The following LARP1B variants were observed in gnomAD, a reference collection of about 807,000 sequenced individuals.
The protein encoded by LARP1B is La ribonucleoprotein 1B.
In LARP1B, 76 loss-of-function variants were observed where a neutral mutation model predicts 114.2. The ratio of observed to expected loss-of-function variants is 0.67; its 90% confidence interval spans 0.55 to 0.81. The LOEUF is 0.81. Among genes scored for constraint, LARP1B ranks in the 30% least tolerant of loss-of-function variants. The pLI is 0.00. For synonymous variants in LARP1B, 345 were observed against 348.0 expected, an observed-to-expected ratio of 0.99 and a Z score of 0.10; for missense variants, 1,014 against 1,075.8, an observed-to-expected ratio of 0.94 and a Z score of 0.80.
At chr4:128,217,191 C>G (rs1330126047) in intron 6 of LARP1B, among the ~76,000 whole-genome samples, 1 of 137,076 alleles carries the variant, frequency 7.3e-6, no homozygotes, top group Non-Finnish European at 1.6e-5. Context: ...CAGATGGATT[C>G]ACAGCCGAAT....
chr4:128,209,860 C>T lies in LARP1B; in HGVS notation c.2552C>T (p.Pro851Leu). The T allele has an allele frequency of 6.2e-7, 1 of 1,613,088 alleles. No individual in the cohort carries two copies. The highest frequency in any genetic ancestry group is 1.3e-5 in the African/African-American group (1 of 74,998). Reference sequence around the variant, plus strand: ...GTTGCCTTTCATCATTTGCAGCCCCCTATTAGTGATGAATTTGGAAGAAAA... The same window carrying T: ...GTTGCCTTTCATCATTTGCAGCCCCTTATTAGTGATGAATTTGGAAGAAAA... Reference protein sequence around the residue: ...KRLEDFRVDPPISDEFGRKRH... With the variant: ...KRLEDFRVDPLISDEFGRKRH... The change falls in exon 20 of 20, where the codon CCT becomes CTT. Residue 851 changes from proline to leucine, a missense_variant. By Grantham distance (98) the Pro-to-Leu change is moderately conservative (BLOSUM62 -3). Coordinates refer to ENST00000326639, the MANE Select transcript of LARP1B (RefSeq NM_018078.4).
intron 9 of LARP1B, chr4:128,108,667 T>G: frequency 1.0e-6 from 1 of 984,646 alleles, no homozygotes; most frequent in Non-Finnish European, 1.2e-6. Context: ...TTTTAATTTA[T>G]TTTTTGTTAA....
intron 9 of LARP1B, chr4:128,108,932 T>C (rs1783025111): frequency 1.7e-6 from 1 of 583,568 alleles, no homozygotes; most frequent in Admixed American, 6.3e-5. Context: ...TTTTTTAATA[T>C]ACACTCAGAT....
chr4:128,107,296 C>T lies in LARP1B; in HGVS notation c.971C>T (p.Ala324Val), dbSNP rs892736542. The T allele has an allele frequency of 6.2e-7, 1 of 1,614,088 alleles. No individual in the cohort carries two copies. The highest frequency in any genetic ancestry group is 1.7e-5 in the Admixed American group (1 of 60,020). ...TGTCCAGAGTTTGTACCAGGCCAAG[C>T]CTTTTGCTCACATACAGGTAACATC... is the stretch of plus-strand genomic sequence containing the variant. The part of the protein sequence containing the change: ...IDCPEFVPGQ[A>V]FCSHTESAPN... Residue 324 changes from alanine (A) to valine (V), a missense_variant, in exon 9 of 20, where the codon GCC (alanine) becomes GTC (valine). Ala to Val is a moderately conservative substitution (Grantham distance 64). Coordinates refer to ENST00000326639, the MANE Select transcript of LARP1B (RefSeq NM_018078.4).
At chr4:128,147,232 C>T (rs1730728248) in intron 11 of LARP1B, among the ~76,000 whole-genome samples, 1 of 152,124 alleles carries the variant, frequency 6.6e-6, no homozygotes, top group Non-Finnish European at 1.5e-5. Context: ...CTAGTTAGCC[C>T]CAAACAACTG....
intron 5 of LARP1B, among the ~76,000 whole-genome samples, chr4:128,088,103 G>A (rs1467645803): frequency 6.6e-6 from 1 of 152,002 alleles, no homozygotes. Context: ...GAGGTAAGGA[G>A]GATTGCTTGA....
intron 11 of LARP1B, among the ~76,000 whole-genome samples, chr4:128,147,925 T>C (rs1284910743): frequency 6.6e-6 from 1 of 152,230 alleles, no homozygotes; most frequent in African/African-American, 2.4e-5. Context: ...TTACAACTTT[T>C]TTTTGAAATT....
At chr4:128,192,832 GT>G (rs1259452559) in intron 15 of LARP1B, among the ~76,000 whole-genome samples, 58 of 143,804 alleles carry the variant, frequency 4.0e-4, no homozygotes, top group Non-Finnish European at 3.5e-4. Context: ...TTGTTTCTTT[GT>G]TTTTTTTTTT....
At chr4:128,121,378 C>T (rs749216615) in intron 10 of LARP1B, among the ~76,000 whole-genome samples, 1 of 152,154 alleles carries the variant, frequency 6.6e-6, no homozygotes, top group Non-Finnish European at 1.5e-5. Flanking sequence ...AGCGCAATGG[C>T]GCGATCTTGG....
intron 2 of LARP1B, 129 bp from the exon 3 acceptor site, chr4:128,074,805 G>T: frequency 1.7e-6 from 1 of 597,764 alleles, no homozygotes; most frequent in Non-Finnish European, 2.9e-6. Flanking sequence ...TGATTAATTT[G>T]GCAGATGCCT....
At chr4:128,203,722 G>A (rs187517353) in intron 17 of LARP1B, among the ~76,000 whole-genome samples, 2 of 152,270 alleles carry the variant, frequency 1.3e-5, no homozygotes, top group Admixed American at 1.3e-4. Flanking sequence ...TCCATTGGTT[G>A]AAAGTAGTAA....
intron 11 of LARP1B, among the ~76,000 whole-genome samples, chr4:128,129,096 C>G (rs1443774381): frequency 7.2e-6 from 1 of 139,454 alleles, no homozygotes; most frequent in African/African-American, 2.7e-5. Flanking sequence ...ACCCGGGAGG[C>G]GGAGCTTGCA....
intron 9 of LARP1B, among the ~76,000 whole-genome samples, chr4:128,113,351 CTT>C (rs781192228): frequency 1.1e-4 from 15 of 136,632 alleles, no homozygotes; most frequent in Admixed American, 1.5e-4. Flanking sequence ...TTCTTTTTTT[CTT>C]TTTTTTTTTT....
rs372747937 is a variant in LARP1B, at chr4:128,191,988, AG to A, written c.2004-7450del. On this transcript the variant is annotated intron_variant, in intron 15 of 19. Coordinates refer to ENST00000326639, the MANE Select transcript of LARP1B (RefSeq NM_018078.4). ...TCTTACTGTTTGCTTGGAGTTTTTC[AG>A]TTCTCTGTGGCTCACGGGTACTATC... Among the ~76,000 whole-genome samples the A allele has an allele frequency of 1.4e-4, 22 of 152,168 alleles. No homozygotes were observed. In the East Asian group the frequency reaches 4.1e-3, roughly 28 times the overall value.
intron 11 of LARP1B, among the ~76,000 whole-genome samples, chr4:128,132,199 T>C (rs908463040): frequency 1.3e-5 from 2 of 152,186 alleles, no homozygotes; most frequent in African/African-American, 2.4e-5. Context: ...ATCCATACAA[T>C]AGAGTATTTG....
At chr4:128,163,183 T>C (rs1242578645) in intron 12 of LARP1B, among the ~76,000 whole-genome samples, 1 of 152,132 alleles carries the variant, frequency 6.6e-6, no homozygotes, top group Non-Finnish European at 1.5e-5. Flanking sequence ...TGCCTTATAA[T>C]TTATTGGTCC....
chr4:128,205,743 T>G (rs1005237157), intron 17 of LARP1B, among the ~76,000 whole-genome samples: 1 of 152,228 alleles, frequency 6.6e-6, no homozygotes, highest in Non-Finnish European at 1.5e-5. Context: ...TATTTAATGC[T>G]GTGTACAAAG....
chr4:128,199,495 C>T lies in LARP1B; in HGVS notation c.2060C>T (p.Thr687Ile), dbSNP rs1487511942. Reference sequence around the variant, plus strand: ...CCACTAGCAGGAAGTTATGGATGTACTCCTCATTCATTCCCAAAGTTCCAG... The same window carrying T: ...CCACTAGCAGGAAGTTATGGATGTATTCCTCATTCATTCCCAAAGTTCCAG... ...GAPLAGSYGC[T>I]PHSFPKFQHP... The change falls in exon 16 of 20, where the codon ACT becomes ATT. Residue 687 changes from threonine (T) to isoleucine (I), a missense_variant. Transcript: ENST00000326639. The T allele has an allele frequency of 2.5e-6, 4 of 1,604,516 alleles. No individual in the cohort carries two copies. Among genetic ancestry groups the T allele is most frequent in the Non-Finnish European group, 2.6e-6 (3 of 1,174,770 alleles).
intron 6 of LARP1B, among the ~76,000 whole-genome samples, chr4:128,219,745 G>T (rs1429398731): frequency 1.3e-4 from 19 of 147,348 alleles, no homozygotes; most frequent in Admixed American, 5.4e-4. Flanking sequence ...TGTATACATA[G>T]GTAACTAACC....
Sources: allele counts gnomAD v4.1 joint callset (sites outside exome capture counted in the v4.1 genomes callset), GRCh38; gene constraint gnomAD v4.1.1; transcripts MANE v1.5; gene names NCBI Gene and HGNC (gene_info 2026-07-23, HGNC 2026-07-21).